The following GRIN2A variants were observed in gnomAD, a reference collection of about 807,000 sequenced individuals.
GRIN2A encodes glutamate ionotropic receptor NMDA type subunit 2A.
GRIN2A carries 22 observed loss-of-function variants against 113.4 expected under a neutral mutation model. That is an observed-to-expected ratio of 0.19 (90% CI 0.14 to 0.28). The LOEUF (loss-of-function observed/expected upper bound fraction) is 0.28. Among genes scored for constraint, GRIN2A ranks in the 10% least tolerant of loss-of-function variants. The pLI is 1.00. For missense variants in GRIN2A, 1,502 were observed against 1,887.0 expected (o/e 0.80, Z 3.78); for synonymous variants, 827 against 738.4 (o/e 1.12, Z -1.94).
intron 2 of GRIN2A, among the ~76,000 whole-genome samples, chr16:10,028,150 T>C (rs1413660969): frequency 2.6e-5 from 4 of 152,218 alleles, no homozygotes; most frequent in African/African-American, 9.6e-5. Context: ...GTAAATAATA[T>C]GTCACTTACT....
chr16:10,036,598 G>A (rs368767703), intron 2 of GRIN2A, among the ~76,000 whole-genome samples: 18 of 150,372 alleles, frequency 1.2e-4, no homozygotes, highest in African/African-American at 4.4e-4. Context: ...CCGCCACAAC[G>A]CCCGGCTAAT....
chr16:9,801,915 A>G (rs1302257379), intron 10 of GRIN2A, among the ~76,000 whole-genome samples: 1 of 152,250 alleles, frequency 6.6e-6, no homozygotes, highest in African/African-American at 2.4e-5. Context: ...TCTAGATTCT[A>G]GAGAGCTGGG....
intron 2 of GRIN2A, among the ~76,000 whole-genome samples, chr16:10,121,121 GAA>G (rs1395114330): frequency 6.6e-6 from 1 of 152,132 alleles, no homozygotes; most frequent in East Asian, 1.9e-4. Flanking sequence ...TCCACAGCAA[GAA>G]GGGTGGGGCA....
intron 4 of GRIN2A, among the ~76,000 whole-genome samples, chr16:9,874,193 G>T (rs557599869): frequency 6.6e-6 from 1 of 152,288 alleles, no homozygotes; most frequent in African/African-American, 2.4e-5. Flanking sequence ...AATTTAAATG[G>T]AAGGAATATA....
chr16:9,991,060 C>G (rs2046103474), intron 2 of GRIN2A, among the ~76,000 whole-genome samples: 2 of 150,286 alleles, frequency 1.3e-5, no homozygotes, highest in South Asian at 2.2e-4. Flanking sequence ...GGGTGAGACT[C>G]TGTCTCAAAA....
At chr16:10,133,017 C>T (rs1255630169) in intron 2 of GRIN2A, among the ~76,000 whole-genome samples, 1 of 152,196 alleles carries the variant, frequency 6.6e-6, no homozygotes, top group Non-Finnish European at 1.5e-5. Flanking sequence ...TTTCCATGGT[C>T]ACATCTCCTT....
At chr16:10,100,167 C>T (rs146662874) in intron 2 of GRIN2A, among the ~76,000 whole-genome samples, 4 of 152,128 alleles carry the variant, frequency 2.6e-5, no homozygotes, top group East Asian at 1.9e-4. Flanking sequence ...CAGAGGTAGC[C>T]GAGGTCAGCC....
intron 2 of GRIN2A, among the ~76,000 whole-genome samples, chr16:10,047,667 G>C (rs900146559): frequency 6.6e-6 from 1 of 152,166 alleles, no homozygotes; most frequent in Non-Finnish European, 1.5e-5. Context: ...TTGTAGGAGA[G>C]AAACCCCTCT....
intron 2 of GRIN2A, among the ~76,000 whole-genome samples, chr16:10,040,932 C>G (rs1328987206): frequency 6.6e-6 from 1 of 152,236 alleles, no homozygotes; most frequent in African/African-American, 2.4e-5. Flanking sequence ...CTGCCGCAGG[C>G]TGGAAGAGGT....
At chr16:9,798,821 G>A (rs1020775054) in intron 10 of GRIN2A, among the ~76,000 whole-genome samples, 4 of 151,684 alleles carry the variant, frequency 2.6e-5, no homozygotes, top group Non-Finnish European at 4.4e-5. Flanking sequence ...AAACCACTAA[G>A]GGGCAGAAGA....
At chr16:10,012,281 A>C (rs970921413) in intron 2 of GRIN2A, among the ~76,000 whole-genome samples, 4 of 152,182 alleles carry the variant, frequency 2.6e-5, no homozygotes, top group African/African-American at 9.7e-5. Context: ...CAAACAATAA[A>C]AGCATCACTT....
At chr16:9,884,545 T>C (rs2043551400) in intron 4 of GRIN2A, among the ~76,000 whole-genome samples, 2 of 151,974 alleles carry the variant, frequency 1.3e-5, no homozygotes, top group African/African-American at 4.8e-5. Flanking sequence ...TGAGATTCTG[T>C]CTTGAAATAA....
rs1055975729 is a variant in GRIN2A, at chr16:9,790,754, A to G, written c.2356+7523T>C. 3.9e-5 allele frequency among the ~76,000 whole-genome samples: 6 copies of G among 152,240 alleles called. No individual in the cohort carries two copies. The East Asian group carries it at 9.6e-4, about 24-fold the overall frequency. On this transcript the variant is annotated intron_variant, in intron 11 of 12. Transcript: ENST00000330684. ...AAGAAAATAAGGTCCCTTTCATTAAAGAAGGTATTAAATCGATGACATAAG... is the reference window on the plus strand; with the variant it reads ...AAGAAAATAAGGTCCCTTTCATTAAGGAAGGTATTAAATCGATGACATAAG...
intron 7 of GRIN2A, among the ~76,000 whole-genome samples, chr16:9,839,037 C>A (rs568565023): frequency 2.0e-5 from 3 of 152,270 alleles, no homozygotes; most frequent in Non-Finnish European, 2.9e-5. Context: ...ATCACTTGTA[C>A]CCCTGAGCTA....
intron 10 of GRIN2A, among the ~76,000 whole-genome samples, chr16:9,800,446 G>C (rs540924068): frequency 1.3e-5 from 2 of 152,110 alleles, no homozygotes; most frequent in South Asian, 4.2e-4. Context: ...TCTTTAACAA[G>C]AAAACATAAA....
chr16:9,920,589 A>C (rs1276369609), intron 3 of GRIN2A, among the ~76,000 whole-genome samples: 1 of 141,992 alleles, frequency 7.0e-6, no homozygotes. Context: ...TTTCAGATGG[A>C]GTCTTGCTTG....
intron 2 of GRIN2A, among the ~76,000 whole-genome samples, chr16:9,997,702 C>G (rs2046250886): frequency 6.6e-6 from 1 of 152,178 alleles, no homozygotes; most frequent in Non-Finnish European, 1.5e-5. Flanking sequence ...CCCATAATCC[C>G]ACATGTCATG....
intron 7 of GRIN2A, 97 bp downstream of exon 7, chr16:9,840,550 G>C: frequency 2.7e-6 from 3 of 1,126,394 alleles, no homozygotes; most frequent in East Asian, 2.4e-5. Flanking sequence ...TGGCCAAACA[G>C]AGCTAAACAA....
At chr16:10,048,254 T>C (rs1296526621) in intron 2 of GRIN2A, among the ~76,000 whole-genome samples, 1 of 152,224 alleles carries the variant, frequency 6.6e-6, no homozygotes, top group Non-Finnish European at 1.5e-5. Flanking sequence ...ATTTGTCTAA[T>C]ACTTAAAATC....
Sources: allele counts gnomAD v4.1 joint callset (sites outside exome capture counted in the v4.1 genomes callset), GRCh38; gene constraint gnomAD v4.1.1; transcripts MANE v1.5; gene names NCBI Gene and HGNC (gene_info 2026-07-23, HGNC 2026-07-21).